Variants in NKD2 observed in about 807,000 individuals in gnomAD.
NKD2 encodes protein naked cuticle homolog 2.
In NKD2, 43 loss-of-function variants were observed where a neutral mutation model predicts 34.8. That is an observed-to-expected ratio of 1.24 (90% CI 0.97 to 1.60). NKD2 has a LOEUF of 1.60. NKD2 is among the 40% of genes most tolerant of loss of function. The pLI is 0.00. For synonymous variants in NKD2, 278 were observed against 265.1 expected, an observed-to-expected ratio of 1.05 and a Z score of -0.47; for missense variants, 675 against 627.1, an observed-to-expected ratio of 1.08 and a Z score of -0.82.
intron 3 of NKD2, among the ~76,000 whole-genome samples, chr5:1,031,610 A>G (rs1408599718): frequency 6.6e-6 from 1 of 152,172 alleles, no homozygotes; most frequent in Non-Finnish European, 1.5e-5. Flanking sequence ...CAGATTATTC[A>G]TGAGAACCAT....
chr5:1,033,273 T>C, intron 4 of NKD2, 99 bp from the exon 5 acceptor site: 1 of 1,177,534 alleles, frequency 8.5e-7, no homozygotes, highest in Non-Finnish European at 1.2e-6. Flanking sequence ...CTGGACAGGA[T>C]CATGGTGTGG....
intron 3 of NKD2, among the ~76,000 whole-genome samples, chr5:1,020,223 A>T (rs1756119219): frequency 6.6e-6 from 1 of 152,160 alleles, no homozygotes; most frequent in South Asian, 2.1e-4. Context: ...CAGGGAATAA[A>T]GTTTCGGCAG....
rs542869768 is a variant in NKD2 at position 1,027,183 on chromosome 5, C to T, written c.142-4969C>T. ...GCCATTTCCCCAGTGGCAGAAACTT[C>T]GAGCCAGGGGCTCCACCCAACAGGG... On this transcript the variant is annotated intron_variant, in intron 3 of 9. Coordinates refer to ENST00000296849, the MANE Select transcript of NKD2 (RefSeq NM_033120.4). Among the ~76,000 whole-genome samples, 122 of 152,350 alleles carry T rather than the reference C, an allele frequency of 8.0e-4. 1 individual carries two copies. Among genetic ancestry groups the T allele is most frequent in the Admixed American group, 2.2e-3 (34 of 15,310 alleles).
chr5:1,036,494 C>A (rs1168314321), intron 9 of NKD2, 110 bp downstream of exon 9: 6 of 555,136 alleles, frequency 1.1e-5, no homozygotes, highest in East Asian at 3.3e-5. Context: ...CCTGCCCCGC[C>A]CCCCCCCAAC....
At position 1,034,904 on chromosome 5, in the gene NKD2, G is replaced by T. The variant is rs1419843024; in HGVS notation, c.574+1G>T. 3 of 1,606,694 alleles carry T rather than the reference G, an allele frequency of 1.9e-6. No homozygotes were observed. In the Admixed American group the frequency reaches 5.0e-5, roughly 27 times the overall value. The stretch of plus-strand genomic sequence containing the variant: ...AAGGAGGGTCCTCCTGCTGGCCAGG[G>T]TGAGTGAGGCCTGGGCACACACAGA... On this transcript the variant is annotated splice_donor_variant, in intron 7 of 9. Coordinates refer to ENST00000296849, the MANE Select transcript of NKD2 (RefSeq NM_033120.4). LOFTEE classifies it high-confidence loss of function.
Position 1,034,907 on chromosome 5 carries a change from A to G in NKD2, c.574+4A>G. The stretch of plus-strand genomic sequence containing the variant: ...GAGGGTCCTCCTGCTGGCCAGGGTG[A>G]GTGAGGCCTGGGCACACACAGAGGA... On this transcript the variant is annotated splice_donor_region_variant and intron_variant, in intron 7 of 9. Transcript: ENST00000296849. The G allele has an allele frequency of 6.2e-7, 1 of 1,605,322 alleles. No individual in the cohort carries two copies. The highest frequency in any genetic ancestry group is 8.5e-7 in the Non-Finnish European group (1 of 1,176,008).
In NKD2 at chr5:1,008,812, G is replaced by GGGCCGCCGTCGC. The variant is rs1755625383; in HGVS notation, c.-245_-234dup. 4.5e-6 allele frequency: 1 copy of GGGCCGCCGTCGC among 221,400 alleles called. No homozygotes were observed. 13.7% of individuals were successfully genotyped at this position (221,400 alleles called of 1,614,324 possible). A position where few individuals can be genotyped will look rare whatever the true frequency, so the allele number is the denominator to read the frequency against. ...CGGGCGCACGCGCTCAGAGGGAGCCGGGCCGCCGTCGCTGCCGCCGCTGTC... is the reference window on the plus strand; with the variant it reads ...CGGGCGCACGCGCTCAGAGGGAGCCGGGCCGCCGTCGCGGCCGCCGTCGCTGCCGCCGCTGTC... On this transcript the variant is annotated 5_prime_UTR_variant, in exon 1 of 10. Coordinates refer to ENST00000296849, the MANE Select transcript of NKD2 (RefSeq NM_033120.4).
intron 3 of NKD2, among the ~76,000 whole-genome samples, chr5:1,019,865 G>A (rs538651094): frequency 6.6e-6 from 1 of 152,306 alleles, no homozygotes; most frequent in East Asian, 1.9e-4. Flanking sequence ...ACGTCCGGTG[G>A]GTTTTTCCCG....
chr5:1,009,280 A>AAC lies in NKD2; in HGVS notation c.61+66_61+67insAC. 2.1e-6 allele frequency: 1 copy of AAC among 485,246 alleles called. No individual in the cohort carries two copies. The highest frequency in any genetic ancestry group is 3.3e-5 in the South Asian group (1 of 30,440). 30.1% of individuals were successfully genotyped at this position (485,246 alleles called of 1,614,324 possible). ...CCGGCCCGGGACCCTCAGAGCTAGG[A>AAC]GCCCGCGCGCGTCCTGCCCTGGAGC... On this transcript the variant is annotated intron_variant, in intron 2 of 9. Transcript: ENST00000296849. The surrounding 1 kb of genome is among the most constrained non-coding windows in gnomAD (Gnocchi z 6.9).
chr5:1,038,472 G>GCCCCCCC lies in NKD2; in HGVS notation c.*104_*105insCCCCCCC, dbSNP rs1734137659. ...CGGCTGTGTGCCCATGGGGAGCCCAGCCCCCACCCCCCACCTCCGACAGCA... is the reference window on the plus strand; with the variant it reads ...CGGCTGTGTGCCCATGGGGAGCCCAGCCCCCCCCCCCCACCCCCCACCTCCGACAGCA... On this transcript the variant is annotated 3_prime_UTR_variant, in exon 10 of 10. Transcript: ENST00000296849. The surrounding 1 kb of genome is among the most constrained non-coding windows in gnomAD (Gnocchi z 4.5). The GCCCCCCC allele has an allele frequency of 1.8e-5, 28 of 1,531,690 alleles. No homozygotes were observed. The African/African-American group carries it at 3.1e-4, about 17-fold the overall frequency. 94.9% of individuals were successfully genotyped at this position (1,531,690 alleles called of 1,614,324 possible). A position where few individuals can be genotyped will look rare whatever the true frequency, so the allele number is the denominator to read the frequency against.
At chr5:1,010,517 C>T (rs1051479644) in intron 3 of NKD2, among the ~76,000 whole-genome samples, 16 of 152,168 alleles carry the variant, frequency 1.1e-4, no homozygotes, top group Admixed American at 3.3e-4. Flanking sequence ...GGGCTTAGGT[C>T]TGCTTGGAAA....
rs1229489972 is a variant in NKD2 at position 1,017,660 on chromosome 5, CCCACAGCCCCCCA to C, written c.141+8105_141+8117del. Among the ~76,000 whole-genome samples the C allele has an allele frequency of 4.9e-5, 7 of 142,992 alleles. No homozygotes were observed. In the East Asian group the frequency reaches 1.4e-3, roughly 29 times the overall value. 93.8% of individuals were successfully genotyped at this position (142,992 alleles called of 152,430 possible). A position where few individuals can be genotyped will look rare whatever the true frequency, so the allele number is the denominator to read the frequency against. ...CCCAAACCAGAAGTCCCTCCCAGAGCCCACAGCCCCCCACCACGGGGCCGCCCTGCAGCCCCAG... is the reference window on the plus strand; with the variant it reads ...CCCAAACCAGAAGTCCCTCCCAGAGCCCACGGGGCCGCCCTGCAGCCCCAG... On this transcript the variant is annotated intron_variant, in intron 3 of 9. Coordinates refer to ENST00000296849, the MANE Select transcript of NKD2 (RefSeq NM_033120.4).
At chr5:1,029,811 A>C (rs1429748431) in intron 3 of NKD2, among the ~76,000 whole-genome samples, 3 of 152,102 alleles carry the variant, frequency 2.0e-5, no homozygotes, top group Admixed American at 2.0e-4. Flanking sequence ...GCTGCCCCTC[A>C]TCTGGGCAGC....
chr5:1,036,476 C>A, intron 9 of NKD2, 92 bp downstream of exon 9: 2 of 985,484 alleles, frequency 2.0e-6, no homozygotes, highest in Admixed American at 2.3e-5. Context: ...CAGGGGGCCC[C>A]TCCCTGCCCT....
chr5:1,015,944 C>T (rs1171968453), intron 3 of NKD2, among the ~76,000 whole-genome samples: 1 of 152,222 alleles, frequency 6.6e-6, no homozygotes, highest in Admixed American at 6.5e-5. Flanking sequence ...TCAGTCTCTG[C>T]CACCTTCTGA....
At chr5:1,030,566 A>G (rs1258563460) in intron 3 of NKD2, among the ~76,000 whole-genome samples, 2 of 152,088 alleles carry the variant, frequency 1.3e-5, no homozygotes, top group Non-Finnish European at 2.9e-5. Flanking sequence ...ATAAATAACT[A>G]CAGCCTGGGT....
Position 1,009,458 on chromosome 5 carries a change from G to A in NKD2, c.62-23G>A. 10 of 1,489,922 alleles carry A rather than the reference G, an allele frequency of 6.7e-6. No individual in the cohort carries two copies. Among genetic ancestry groups the A allele is most frequent in the Non-Finnish European group, 8.9e-6 (10 of 1,126,430 alleles). 92.3% of individuals were successfully genotyped at this position (1,489,922 alleles called of 1,614,324 possible). ...TTTCCCTCCTCGGTGCGGGTTTCCC[G>A]CGCGTCCGCCCCCGGACCGCAGGGG... On this transcript the variant is annotated intron_variant, in intron 2 of 9. Coordinates refer to ENST00000296849, the MANE Select transcript of NKD2 (RefSeq NM_033120.4). This position sits in a 1 kb window ranked among gnomAD's most constrained non-coding sequence, Gnocchi z 6.9.
At chr5:1,033,031 C>CGTGG (rs56413108) in intron 4 of NKD2, among the ~76,000 whole-genome samples, 5 of 151,710 alleles carry the variant, frequency 3.3e-5, no homozygotes, top group Admixed American at 2.6e-4. Flanking sequence ...GGGACTGTGT[C>CGTGG]TATGGGGAGG....
At chr5:1,015,965 G>A (rs1422220902) in intron 3 of NKD2, among the ~76,000 whole-genome samples, 1 of 152,228 alleles carries the variant, frequency 6.6e-6, no homozygotes, top group Non-Finnish European at 1.5e-5. Flanking sequence ...GCCGTCGTCT[G>A]TCACAGATCA....
Sources: gnomAD v4.1 joint callset for allele counts (sites outside exome capture counted in the v4.1 genomes callset) on GRCh38, gnomAD v4.1.1 for gene constraint, Gnocchi (gnomAD v3.1) non-coding constraint, MANE v1.5 for transcripts, NCBI Gene and HGNC (gene_info 2026-07-23, HGNC 2026-07-21) for gene names.